The following FER1L6 variants were observed in gnomAD, a reference collection of about 807,000 sequenced individuals.
The protein encoded by FER1L6 is fer-1 like family member 6.
FER1L6 carries 177 observed loss-of-function variants against 219.2 expected under a neutral mutation model. The observed-to-expected ratio is 0.81, with a 90% CI of 0.71 to 0.91. The LOEUF is 0.91. Ranked by LOEUF, FER1L6 falls within the 40% of genes least tolerant of loss-of-function variation. FER1L6 has a pLI of 0.00. For synonymous variants in FER1L6, 768 were observed against 824.3 expected, an observed-to-expected ratio of 0.93 and a Z score of 1.17; for missense variants, 2,153 against 2,259.9, an observed-to-expected ratio of 0.95 and a Z score of 0.96.
At chr8:123,939,686 C>G (rs4870881) in intron 1 of FER1L6, among the ~76,000 whole-genome samples, 1 of 151,812 alleles carries the variant, frequency 6.6e-6, no homozygotes, top group Non-Finnish European at 1.5e-5. Context: ...TGTGCTTAGC[C>G]CATAGGATGC....
chr8:123,963,525 T>G, intron 3 of FER1L6, 127 bp downstream of exon 3: 3 of 1,047,768 alleles, frequency 2.9e-6, no homozygotes, highest in Non-Finnish European at 4.2e-6. Context: ...AGGCAAGGTC[T>G]AAGGCAGGAA....
chr8:123,931,134 G>A lies in FER1L6; in HGVS notation c.-7-24858G>A, dbSNP rs374226588. Among the ~76,000 whole-genome samples the A allele has an allele frequency of 6.6e-5, 10 of 152,302 alleles. No homozygotes were observed. In the East Asian group the frequency reaches 1.5e-3, roughly 23 times the overall value. ...CTTTGAAGCTCTGGAGGCCCTGCCT[G>A]CATTTTCCGCAGTATCTCTTATTGT... On this transcript the variant is annotated intron_variant, in intron 1 of 40. Transcript: ENST00000522917.
At chr8:123,880,388 A>G (rs1263394530) in intron 1 of FER1L6, among the ~76,000 whole-genome samples, 1 of 152,146 alleles carries the variant, frequency 6.6e-6, no homozygotes, top group African/African-American at 2.4e-5. Context: ...CACAGCAGCC[A>G]TTTCTTCAAG....
intron 22 of FER1L6, among the ~76,000 whole-genome samples, chr8:124,051,346 A>C (rs1820018008): frequency 6.6e-6 from 1 of 152,198 alleles, no homozygotes. Context: ...AAGTACCACC[A>C]GGCACCTCCT....
chr8:123,895,850 C>T (rs759385080), intron 1 of FER1L6, among the ~76,000 whole-genome samples: 7 of 152,098 alleles, frequency 4.6e-5, no homozygotes, highest in Non-Finnish European at 8.8e-5. Context: ...TACGCAGAGT[C>T]AAATTTACAA....
At chr8:123,867,610 C>T (rs1407744564) in intron 1 of FER1L6, among the ~76,000 whole-genome samples, 1 of 152,152 alleles carries the variant, frequency 6.6e-6, no homozygotes, top group Non-Finnish European at 1.5e-5. Context: ...TTAGTACCTA[C>T]CTTCTATGGT....
At chr8:123,993,940 G>A (rs78172879) in intron 12 of FER1L6, among the ~76,000 whole-genome samples, 11 of 152,152 alleles carry the variant, frequency 7.2e-5, no homozygotes, top group East Asian at 3.8e-4. Flanking sequence ...CTCAAATGCC[G>A]GTTGTAGTAG....
chr8:124,108,926 G>C (rs1423271453), intron 39 of FER1L6, among the ~76,000 whole-genome samples: 4 of 152,064 alleles, frequency 2.6e-5, no homozygotes, highest in Non-Finnish European at 5.9e-5. Flanking sequence ...GGGAAGAATA[G>C]AACCTCTAGC....
chr8:124,039,759 G>C (rs1481336553), intron 19 of FER1L6, 123 bp from the exon 20 acceptor site: 2 of 1,238,148 alleles, frequency 1.6e-6, no homozygotes, highest in East Asian at 4.7e-5. Flanking sequence ...GGTGGATGTG[G>C]CTGGTGGTCT....
chr8:124,019,252 G>T (rs1818345041), intron 16 of FER1L6, among the ~76,000 whole-genome samples: 1 of 152,114 alleles, frequency 6.6e-6, no homozygotes. Flanking sequence ...AATCCTTGAT[G>T]ATTATGTATA....
chr8:123,973,602 C>A, intron 7 of FER1L6, 90 bp downstream of exon 7: 1 of 945,910 alleles, frequency 1.1e-6, no homozygotes, highest in Non-Finnish European at 1.7e-6. Flanking sequence ...ACCTGTGTGA[C>A]CATTCATTCA....
chr8:123,931,877 AC>A (rs1312899197), intron 1 of FER1L6, among the ~76,000 whole-genome samples: 3 of 152,232 alleles, frequency 2.0e-5, no homozygotes, highest in Admixed American at 1.3e-4. Flanking sequence ...GAGTGCAGTG[AC>A]ATGGAACTAA....
intron 1 of FER1L6, among the ~76,000 whole-genome samples, chr8:123,955,232 G>C (rs1814963370): frequency 6.6e-6 from 1 of 152,194 alleles, no homozygotes; most frequent in Non-Finnish European, 1.5e-5. Flanking sequence ...TCGCGCCACT[G>C]TTCTCCAGCT....
intron 6 of FER1L6, among the ~76,000 whole-genome samples, chr8:123,972,492 C>T (rs1174396966): frequency 6.6e-6 from 1 of 152,158 alleles, no homozygotes; most frequent in African/African-American, 2.4e-5. Context: ...CCAACTGGTG[C>T]CAGAATCCTT....
At chr8:123,867,615 T>C (rs1816857860) in intron 1 of FER1L6, among the ~76,000 whole-genome samples, 1 of 152,212 alleles carries the variant, frequency 6.6e-6, no homozygotes, top group Admixed American at 6.5e-5. Flanking sequence ...ACCTACCTTC[T>C]ATGGTTGTTT....
intron 1 of FER1L6, among the ~76,000 whole-genome samples, chr8:123,931,366 G>A (rs1444459718): frequency 6.6e-6 from 1 of 152,158 alleles, no homozygotes; most frequent in Non-Finnish European, 1.5e-5. Context: ...GATCAAGGAG[G>A]GGTGTTTACT....
At chr8:123,856,651 G>A (rs1014712652) in intron 1 of FER1L6, among the ~76,000 whole-genome samples, 1 of 151,496 alleles carries the variant, frequency 6.6e-6, no homozygotes, top group Non-Finnish European at 1.5e-5. Context: ...TCATGTCCCC[G>A]ACTGCCTGGC....
At chr8:123,882,892 G>A (rs1192572255) in intron 1 of FER1L6, among the ~76,000 whole-genome samples, 1 of 152,176 alleles carries the variant, frequency 6.6e-6, no homozygotes, top group African/African-American at 2.4e-5. Flanking sequence ...GGGTGAAAAT[G>A]ACATGCCAAT....
intron 1 of FER1L6, among the ~76,000 whole-genome samples, chr8:123,924,212 G>A (rs1340028343): frequency 3.7e-5 from 5 of 135,754 alleles, no homozygotes; most frequent in Non-Finnish European, 7.7e-5. Context: ...TCCAGCTTGG[G>A]TGACAGAGGA....
Sources: allele counts gnomAD v4.1 joint callset (sites outside exome capture counted in the v4.1 genomes callset), GRCh38; gene constraint gnomAD v4.1.1; transcripts MANE v1.5; gene names NCBI Gene and HGNC (gene_info 2026-07-23, HGNC 2026-07-21).